The following VWA8 variants were observed in gnomAD, a reference collection of about 807,000 sequenced individuals.
VWA8 encodes von Willebrand factor A domain containing 8.
A neutral mutation model predicts 241.5 loss-of-function variants in VWA8; 221 were observed. The ratio of observed to expected loss-of-function variants is 0.91; its 90% confidence interval spans 0.82 to 1.02. The LOEUF (loss-of-function observed/expected upper bound fraction) is 1.02. VWA8 is among the 50% of genes least tolerant of loss of function. The pLI is 0.00. For missense variants in VWA8, 2,322 were observed against 2,328.7 expected (o/e 1.00, Z 0.06); for synonymous variants, 852 against 827.1 (o/e 1.03, Z -0.52).
At chr13:41,886,909 C>A in intron 6 of VWA8, 79 bp from the exon 7 acceptor site, 2 of 1,142,438 alleles carry the variant, frequency 1.8e-6, no homozygotes, top group South Asian at 1.5e-5. Context: ...TAGATACAAT[C>A]CAACCTTTTA....
At chr13:41,846,867 T>C (rs1484893707) in intron 12 of VWA8, among the ~76,000 whole-genome samples, 1 of 151,956 alleles carries the variant, frequency 6.6e-6, no homozygotes, top group Non-Finnish European at 1.5e-5. Context: ...TGAAACCCCA[T>C]CTCTACTAAA....
chr13:41,572,350 C>G (rs1049944910), intron 43 of VWA8, among the ~76,000 whole-genome samples: 2 of 152,264 alleles, frequency 1.3e-5, no homozygotes, highest in African/African-American at 4.8e-5. Context: ...GCGGCTTTGT[C>G]GAATAGAAAA....
intron 20 of VWA8, among the ~76,000 whole-genome samples, chr13:41,771,886 CTTTTTTTTTTT>C (rs10639837): frequency 7.0e-5 from 7 of 100,276 alleles, no homozygotes; most frequent in Non-Finnish European, 9.8e-5. Context: ...CCAGCAGGGA[CTTTTTTTTTTT>C]TTTTTTTTTT....
intron 1 of VWA8, among the ~76,000 whole-genome samples, chr13:41,957,391 G>C (rs1325773029): frequency 2.6e-5 from 4 of 152,164 alleles, no homozygotes; most frequent in African/African-American, 9.7e-5. Context: ...AAACTATTGA[G>C]TCCATGAAAC....
chr13:41,799,510 G>A (rs1323297427), intron 17 of VWA8, among the ~76,000 whole-genome samples: 1 of 152,108 alleles, frequency 6.6e-6, no homozygotes, highest in Non-Finnish European at 1.5e-5. Flanking sequence ...CTCTGGGCTT[G>A]TGGGCAAACA....
intron 40 of VWA8, among the ~76,000 whole-genome samples, chr13:41,596,908 T>C (rs1207409847): frequency 2.0e-5 from 3 of 152,058 alleles, no homozygotes; most frequent in African/African-American, 7.2e-5. Flanking sequence ...CTTTGTCTTA[T>C]GATTTCAGCA....
intron 34 of VWA8, among the ~76,000 whole-genome samples, chr13:41,687,302 TGAGAA>T (rs753161072): frequency 6.6e-6 from 1 of 152,154 alleles, no homozygotes; most frequent in Non-Finnish European, 1.5e-5. Context: ...TTATTTCTAA[TGAGAA>T]AAGAAAAGAA....
chr13:41,716,605 G>C (rs1210470166), intron 26 of VWA8, among the ~76,000 whole-genome samples: 1 of 152,022 alleles, frequency 6.6e-6, no homozygotes, highest in South Asian at 2.1e-4. Flanking sequence ...GCTATATGTA[G>C]TGGGTGGCCA....
intron 37 of VWA8, among the ~76,000 whole-genome samples, chr13:41,616,644 T>C (rs2044621814): frequency 6.6e-6 from 1 of 152,194 alleles, no homozygotes; most frequent in East Asian, 1.9e-4. Flanking sequence ...AAATTTTCTG[T>C]GTTGATGAAA....
At chr13:41,682,701 G>A (rs140976312) in intron 35 of VWA8, among the ~76,000 whole-genome samples, 61 of 152,204 alleles carry the variant, frequency 4.0e-4, no homozygotes, top group East Asian at 7.7e-4. Context: ...AGCTGAAATC[G>A]CATCACCACA....
intron 37 of VWA8, among the ~76,000 whole-genome samples, chr13:41,638,878 T>A (rs2044776687): frequency 6.6e-6 from 1 of 151,898 alleles, no homozygotes; most frequent in Admixed American, 6.6e-5. Context: ...AGAGAGAGAA[T>A]GTGATCCCAG....
intron 29 of VWA8, among the ~76,000 whole-genome samples, chr13:41,698,708 T>G (rs1438820784): frequency 2.0e-5 from 3 of 152,212 alleles, no homozygotes; most frequent in African/African-American, 4.8e-5. Context: ...ATTACTCTGT[T>G]TCTATATGTA....
chr13:41,796,577 AT>A (rs1869711716), intron 17 of VWA8, among the ~76,000 whole-genome samples: 1 of 152,040 alleles, frequency 6.6e-6, no homozygotes, highest in African/African-American at 2.4e-5. Context: ...GGCTTTATCT[AT>A]TAATATTTTC....
intron 37 of VWA8, among the ~76,000 whole-genome samples, chr13:41,660,753 T>C (rs951934821): frequency 2.6e-5 from 4 of 152,220 alleles, no homozygotes; most frequent in African/African-American, 4.8e-5. Context: ...CAACTTCAGA[T>C]CCTGCTGCCT....
chr13:41,912,781 T>C (rs370338625), intron 2 of VWA8, among the ~76,000 whole-genome samples: 1 of 152,190 alleles, frequency 6.6e-6, no homozygotes, highest in African/African-American at 2.4e-5. Context: ...CTTTTGTGAA[T>C]AGAAGACCAC....
intron 9 of VWA8, among the ~76,000 whole-genome samples, chr13:41,877,654 A>G (rs1162731088): frequency 6.6e-6 from 1 of 152,150 alleles, no homozygotes; most frequent in African/African-American, 2.4e-5. Context: ...TCAATGGATA[A>G]GTGGCAGTAT....
At chr13:41,898,463 T>A (rs1875246893) in intron 4 of VWA8, among the ~76,000 whole-genome samples, 1 of 152,224 alleles carries the variant, frequency 6.6e-6, no homozygotes. Context: ...ATCCCTGAGC[T>A]AGACATAAAG....
intron 26 of VWA8, among the ~76,000 whole-genome samples, chr13:41,712,791 T>C (rs2045326840): frequency 6.6e-6 from 1 of 152,112 alleles, no homozygotes; most frequent in Non-Finnish European, 1.5e-5. Context: ...CAAATGTACA[T>C]ACCCCAAAAC....
At chr13:41,798,225 T>C (rs1339180798) in intron 17 of VWA8, among the ~76,000 whole-genome samples, 1 of 152,234 alleles carries the variant, frequency 6.6e-6, no homozygotes, top group African/African-American at 2.4e-5. Context: ...TTTTTATTGC[T>C]TTGTTTTTCA....
Sources: allele counts gnomAD v4.1 joint callset (sites outside exome capture counted in the v4.1 genomes callset), GRCh38; gene constraint gnomAD v4.1.1; transcripts MANE v1.5; gene names NCBI Gene and HGNC (gene_info 2026-07-23, HGNC 2026-07-21).